TRANK1: variants seen among roughly 807,000 people sequenced by gnomAD.
TRANK1 encodes TPR and ankyrin repeat-containing protein 1.
Under a neutral mutation model 266.0 loss-of-function variants are expected in TRANK1, and 198 were observed. That is an observed-to-expected ratio of 0.74 (90% confidence interval 0.66 to 0.84). The LOEUF (loss-of-function observed/expected upper bound fraction) is 0.84. Among genes scored for constraint, TRANK1 ranks in the 40% least tolerant of loss-of-function variants. TRANK1 has a pLI of 0.00. For synonymous variants in TRANK1, 1,396 were observed against 1,384.1 expected (o/e 1.01, Z -0.19); for missense variants, 3,326 against 3,634.6 (o/e 0.92, Z 2.18).
At chr3:36,918,518 A>AAGGAAGGAAG (rs1559473271) in intron 1 of TRANK1, among the ~76,000 whole-genome samples, 3 of 35,326 alleles carry the variant, frequency 8.5e-5, no homozygotes, top group African/African-American at 3.4e-4. Context: ...AAAGAAAGAA[A>AAGGAAGGAAG]GAAAGAAAGA....
At chr3:36,901,177 A>G (rs1167433234) in intron 3 of TRANK1, among the ~76,000 whole-genome samples, 1 of 149,472 alleles carries the variant, frequency 6.7e-6, no homozygotes, top group Non-Finnish European at 1.5e-5. Context: ...TGGCATAAGG[A>G]TTATTTCGAG....
At chr3:36,852,013 C>T in intron 14 of TRANK1, 133 bp downstream of exon 14, 1 of 1,359,104 alleles carries the variant, frequency 7.4e-7, no homozygotes, top group East Asian at 2.5e-5. Flanking sequence ...GGTCACTCAG[C>T]CATCTCTGGA....
chr3:36,879,219 A>C (rs923052373), intron 8 of TRANK1, among the ~76,000 whole-genome samples: 2 of 151,986 alleles, frequency 1.3e-5, no homozygotes, highest in African/African-American at 4.8e-5. Context: ...AAAACAAAAC[A>C]ACCAGAATGA....
At chr3:36,944,584 C>G (rs903773599) in intron 1 of TRANK1, among the ~76,000 whole-genome samples, 3 of 152,120 alleles carry the variant, frequency 2.0e-5, no homozygotes, top group Non-Finnish European at 2.9e-5. Context: ...CCGAAAAGGC[C>G]GAAGCCGTCC....
rs1259748888 is a variant in TRANK1 at position 36,879,761 on chromosome 3, A to AAT, written c.908-5467_908-5466dup. On this transcript the variant is annotated intron_variant, in intron 8 of 23. Transcript: ENST00000645898. ...ATATACAAATATATAAATATATATAAATATATATAAATATATATAAATATG... is the reference window on the plus strand; with the variant it reads ...ATATACAAATATATAAATATATATAAATATATATATAAATATATATAAATATG... Among the ~76,000 whole-genome samples the AAT allele has an allele frequency of 6.4e-4, 46 of 71,918 alleles. 9 individuals carry two copies. Among genetic ancestry groups the AAT allele is most frequent in the South Asian group, 3.7e-3 (9 of 2,438 alleles). 47.2% of individuals were successfully genotyped at this position (71,918 alleles called of 152,430 possible).
chr3:36,847,839 A>C (rs1440112283), intron 15 of TRANK1, among the ~76,000 whole-genome samples: 1 of 152,184 alleles, frequency 6.6e-6, no homozygotes, highest in East Asian at 1.9e-4. Context: ...TTTGTATCTC[A>C]GTTCTTCCAT....
At chr3:36,907,286 G>T (rs529048750) in intron 2 of TRANK1, among the ~76,000 whole-genome samples, 1 of 152,100 alleles carries the variant, frequency 6.6e-6, no homozygotes, top group South Asian at 2.1e-4. Context: ...AAGTAGCTGG[G>T]ATTACAGGCG....
At chr3:36,892,729 C>T (rs1485718308) in intron 6 of TRANK1, among the ~76,000 whole-genome samples, 172 bp downstream of exon 6, 1 of 151,946 alleles carries the variant, frequency 6.6e-6, no homozygotes, top group Non-Finnish European at 1.5e-5. Flanking sequence ...ATTCGGGAGG[C>T]TGAGGCAGGG....
chr3:36,939,260 T>TACACACAC lies in TRANK1; in HGVS notation c.23+5519_23+5526dup, dbSNP rs10623771. Among the ~76,000 whole-genome samples the TACACACAC allele has an allele frequency of 5.5e-3, 772 of 139,908 alleles. 8 individuals carry two copies. Among genetic ancestry groups the TACACACAC allele is most frequent in the African/African-American group, 0.017 (627 of 37,802 alleles). 91.8% of individuals were successfully genotyped at this position (139,908 alleles called of 152,430 possible). On this transcript the variant is annotated intron_variant, in intron 1 of 23. Transcript: ENST00000645898. ...AATAGTTCAGATTCCCATTCTAACA[T>TACACACAC]ACACACACACACACACACACACACA... is the stretch of plus-strand genomic sequence containing the variant.
At chr3:36,898,070 A>T (rs1390960624) in intron 4 of TRANK1, among the ~76,000 whole-genome samples, 3 of 152,242 alleles carry the variant, frequency 2.0e-5, no homozygotes, top group Non-Finnish European at 2.9e-5. Context: ...ACCCATTATC[A>T]GCTTTCACAG....
chr3:36,870,622 C>G (rs910290705), intron 9 of TRANK1, among the ~76,000 whole-genome samples: 3 of 152,132 alleles, frequency 2.0e-5, no homozygotes, highest in Non-Finnish European at 4.4e-5. Flanking sequence ...GAAAACTTTA[C>G]AGAAATCAAA....
At chr3:36,841,918 C>G (rs2078849815) in intron 18 of TRANK1, among the ~76,000 whole-genome samples, 1 of 151,088 alleles carries the variant, frequency 6.6e-6, no homozygotes, top group Admixed American at 6.6e-5. Context: ...AAAAAAAGCA[C>G]TCTTTTAGTA....
chr3:36,828,786 A>T (rs896703249), intron 23 of TRANK1, among the ~76,000 whole-genome samples: 2 of 152,206 alleles, frequency 1.3e-5, no homozygotes, highest in Non-Finnish European at 2.9e-5. Context: ...GAATTGGTAT[A>T]CCAATTCTCT....
intron 23 of TRANK1, among the ~76,000 whole-genome samples, chr3:36,828,799 C>T (rs2078659709): frequency 6.6e-6 from 1 of 152,094 alleles, no homozygotes; most frequent in Admixed American, 6.5e-5. Context: ...AATTCTCTTC[C>T]CTTTGAAATA....
intron 9 of TRANK1, among the ~76,000 whole-genome samples, chr3:36,872,655 G>A (rs977141025): frequency 4.6e-5 from 7 of 152,246 alleles, no homozygotes; most frequent in Middle Eastern, 6.8e-3. Flanking sequence ...AGTTTTAGAT[G>A]AATTTAAAGA....
Position 36,892,174 on chromosome 3 carries a change from G to A in TRANK1, c.775+28C>T, listed in dbSNP as rs116306572. 3,053 of 1,534,936 alleles carry A rather than the reference G, an allele frequency of 2.0e-3. 53 individuals carry two copies. In the African/African-American group the frequency reaches 0.037, roughly 18 times the overall value. On this transcript the variant is annotated intron_variant, in intron 7 of 23. Transcript: ENST00000645898. ...AGAACTAGGCTAGAAGGGCAGCTTGGAGGGTGGAAAACTGGGAGAAGACTC... is the reference window on the plus strand; with the variant it reads ...AGAACTAGGCTAGAAGGGCAGCTTGAAGGGTGGAAAACTGGGAGAAGACTC...
At chr3:36,923,802 G>A (rs541135153) in intron 1 of TRANK1, among the ~76,000 whole-genome samples, 22 of 152,154 alleles carry the variant, frequency 1.4e-4, no homozygotes, top group Non-Finnish European at 3.1e-4. Flanking sequence ...AGCATCTGAC[G>A]GCCACTGCCC....
At chr3:36,918,639 G>GAAAGAA (rs373479495) in intron 1 of TRANK1, among the ~76,000 whole-genome samples, 76 of 129,914 alleles carry the variant, frequency 5.9e-4, no homozygotes, top group African/African-American at 2.1e-3. Flanking sequence ...AAGAAAGAAA[G>GAAAGAA]AGAAAGAAAG....
chr3:36,862,683 G>A (rs978835552), intron 10 of TRANK1, among the ~76,000 whole-genome samples: 1 of 152,138 alleles, frequency 6.6e-6, no homozygotes, highest in Admixed American at 6.5e-5. Flanking sequence ...ACATTTGTTC[G>A]AACCACTGAA....
Sources: gnomAD v4.1 joint callset for allele counts (sites outside exome capture counted in the v4.1 genomes callset) on GRCh38, gnomAD v4.1.1 for gene constraint, MANE v1.5 for transcripts, NCBI Gene and HGNC (gene_info 2026-07-23, HGNC 2026-07-21) for gene names.